Variants in PPM1L observed in about 807,000 individuals in gnomAD.
PPM1L encodes protein phosphatase, Mg2+/Mn2+ dependent 1L.
In PPM1L, 13 loss-of-function variants were observed where a neutral mutation model predicts 31.4. That is an observed-to-expected ratio of 0.41 (90% confidence interval 0.27 to 0.66). The LOEUF is 0.66. PPM1L is among the 30% of genes least tolerant of loss of function. The pLI, the probability that PPM1L is intolerant of heterozygous loss-of-function variation, is 0.29. For missense variants in PPM1L, 326 were observed against 453.7 expected (o/e 0.72, Z 2.56); for synonymous variants, 184 against 175.4 (o/e 1.05, Z -0.39).
At chr3:160,831,064 T>A (rs183681493) in intron 1 of PPM1L, among the ~76,000 whole-genome samples, 129 of 152,354 alleles carry the variant, frequency 8.5e-4, no homozygotes, top group African/African-American at 2.9e-3. Context: ...TGCATTGGAA[T>A]GCTCTTGTTT....
chr3:160,886,418 G>T (rs1250905864), intron 1 of PPM1L, among the ~76,000 whole-genome samples: 3 of 152,320 alleles, frequency 2.0e-5, no homozygotes, highest in East Asian at 3.9e-4. Context: ...TCCAACAGGG[G>T]TTTTCAGACA....
intron 2 of PPM1L, among the ~76,000 whole-genome samples, chr3:161,019,396 C>CTA (rs1718179046): frequency 6.6e-6 from 1 of 152,100 alleles, no homozygotes; most frequent in Non-Finnish European, 1.5e-5. Flanking sequence ...TAGGGTCTCA[C>CTA]TATGTTGTCC....
intron 1 of PPM1L, among the ~76,000 whole-genome samples, chr3:160,945,172 G>T: frequency 7.1e-6 from 1 of 141,420 alleles, no homozygotes; most frequent in African/African-American, 2.7e-5. Context: ...TTTTGTTTTA[G>T]TTTGGCCATC....
intron 2 of PPM1L, among the ~76,000 whole-genome samples, chr3:160,994,927 C>T (rs983249667): frequency 1.3e-5 from 2 of 152,062 alleles, no homozygotes; most frequent in African/African-American, 4.8e-5. Context: ...GCAAGAAAGG[C>T]GCTCCAGGCA....
At chr3:160,813,576 A>T (rs940644640) in intron 1 of PPM1L, among the ~76,000 whole-genome samples, 42 of 152,242 alleles carry the variant, frequency 2.8e-4, no homozygotes, top group African/African-American at 9.9e-4. Flanking sequence ...CTGAACTCAG[A>T]TGATCCACCT....
At chr3:160,822,306 A>G (rs544879706) in intron 1 of PPM1L, among the ~76,000 whole-genome samples, 2 of 152,136 alleles carry the variant, frequency 1.3e-5, no homozygotes, top group East Asian at 3.9e-4. Flanking sequence ...CATGATCCAG[A>G]ACTCCATCAT....
chr3:160,983,314 G>T (rs1362905942), intron 2 of PPM1L, among the ~76,000 whole-genome samples: 1 of 152,224 alleles, frequency 6.6e-6, no homozygotes, highest in Non-Finnish European at 1.5e-5. Flanking sequence ...GGCCTCTTCA[G>T]TTGACTGTAC....
chr3:161,054,733 A>G (rs748310929), intron 2 of PPM1L, among the ~76,000 whole-genome samples: 12 of 152,170 alleles, frequency 7.9e-5, no homozygotes, highest in Non-Finnish European at 1.6e-4. Context: ...GAATAATAAT[A>G]GTACATCATA....
intron 2 of PPM1L, among the ~76,000 whole-genome samples, chr3:161,050,205 A>G (rs149009630): frequency 4.6e-5 from 7 of 152,350 alleles, no homozygotes; most frequent in East Asian, 1.9e-4. Flanking sequence ...AGGTTTATCA[A>G]TATTTCACTT....
intron 2 of PPM1L, among the ~76,000 whole-genome samples, chr3:160,997,083 G>T (rs754275900): frequency 4.6e-5 from 7 of 152,160 alleles, no homozygotes; most frequent in African/African-American, 7.2e-5. Flanking sequence ...CCAAATACCA[G>T]TGTGAATGAT....
At chr3:160,871,705 G>A (rs549326213) in intron 1 of PPM1L, among the ~76,000 whole-genome samples, 50 of 151,872 alleles carry the variant, frequency 3.3e-4, no homozygotes, top group Admixed American at 2.6e-3. Flanking sequence ...ATTTCAGCAG[G>A]CTCTGTACGT....
At chr3:161,031,703 G>A (rs1020515300) in intron 2 of PPM1L, among the ~76,000 whole-genome samples, 10 of 151,726 alleles carry the variant, frequency 6.6e-5, no homozygotes, top group Non-Finnish European at 1.0e-4. Flanking sequence ...GACAGGTCTC[G>A]CTGTGTTGCC....
chr3:160,792,462 C>T (rs961814306), intron 1 of PPM1L, among the ~76,000 whole-genome samples: 1 of 152,088 alleles, frequency 6.6e-6, no homozygotes, highest in African/African-American at 2.4e-5. Context: ...AAAGATAGTA[C>T]AGAGTTCCCA....
At chr3:160,817,604 G>A (rs1448789257) in intron 1 of PPM1L, among the ~76,000 whole-genome samples, 1 of 151,888 alleles carries the variant, frequency 6.6e-6, no homozygotes, top group East Asian at 1.9e-4. Flanking sequence ...TATTGTGTTG[G>A]CATTTTTCTG....
At chr3:160,951,022 A>G (rs1033155100) in intron 1 of PPM1L, among the ~76,000 whole-genome samples, 5 of 152,220 alleles carry the variant, frequency 3.3e-5, no homozygotes, top group African/African-American at 1.2e-4. Flanking sequence ...GTAAACAAAT[A>G]TTACTTTTCA....
intron 1 of PPM1L, among the ~76,000 whole-genome samples, chr3:160,934,985 A>G (rs2108082233): frequency 6.6e-6 from 1 of 152,278 alleles, no homozygotes; most frequent in East Asian, 1.9e-4. Context: ...ATCATGTTTT[A>G]ATGGCTGTAT....
intron 1 of PPM1L, among the ~76,000 whole-genome samples, chr3:160,776,519 CTT>C (rs1299125052): frequency 1.3e-5 from 2 of 151,928 alleles, no homozygotes; most frequent in Non-Finnish European, 2.9e-5. Context: ...AATATTTAGA[CTT>C]ATATCATGCC....
At chr3:160,980,139 CAG>C (rs1264346878) in intron 2 of PPM1L, among the ~76,000 whole-genome samples, 7 of 151,994 alleles carry the variant, frequency 4.6e-5, no homozygotes, top group Non-Finnish European at 4.4e-5. Context: ...GGGGATCCAG[CAG>C]AGTTTCTGAT....
At chr3:160,956,680 C>T (rs373081879) in intron 1 of PPM1L, among the ~76,000 whole-genome samples, 1 of 152,158 alleles carries the variant, frequency 6.6e-6, no homozygotes, top group African/African-American at 2.4e-5. Flanking sequence ...GCCATTTTGG[C>T]GTGTGAATTA....
Sources: allele counts gnomAD v4.1 joint callset (sites outside exome capture counted in the v4.1 genomes callset), GRCh38; gene constraint gnomAD v4.1.1; transcripts MANE v1.5; gene names NCBI Gene and HGNC (gene_info 2026-07-23, HGNC 2026-07-21).